Variants in MATN2 observed in about 807,000 individuals in gnomAD.
MATN2 encodes matrilin-2.
MATN2 carries 69 observed loss-of-function variants against 103.2 expected under a neutral mutation model. The observed-to-expected ratio is 0.67, with a 90% CI of 0.55 to 0.82. The LOEUF (loss-of-function observed/expected upper bound fraction) is 0.82, where lower values mean the gene tolerates loss of function less well. Ranked by LOEUF, MATN2 falls within the 40% of genes least tolerant of loss-of-function variation. MATN2 has a pLI of 0.00. For synonymous variants in MATN2, 429 were observed against 450.2 expected (o/e 0.95, Z 0.60); for missense variants, 1,023 against 1,211.5 (o/e 0.84, Z 2.31).
At chr8:97,882,671 C>G in intron 1 of MATN2, among the ~76,000 whole-genome samples, 1 of 152,264 alleles carries the variant, frequency 6.6e-6, no homozygotes, top group South Asian at 2.1e-4. Flanking sequence ...TCTGGGATTC[C>G]GAGTATGCAC....
At chr8:97,932,256 A>G (rs1308656258) in intron 3 of MATN2, among the ~76,000 whole-genome samples, 1 of 152,184 alleles carries the variant, frequency 6.6e-6, no homozygotes, top group Non-Finnish European at 1.5e-5. Context: ...GAGTACGGAT[A>G]GGAATGGAAG....
intron 10 of MATN2, 28 bp from the exon 11 acceptor site, chr8:98,016,512 G>A (rs1363585660): frequency 1.3e-6 from 2 of 1,589,360 alleles, no homozygotes; most frequent in Non-Finnish European, 1.7e-6. Flanking sequence ...TTCTTCTTCT[G>A]TTTCTCTAAT....
rs528820253 is a variant in MATN2, at chr8:98,027,352, A to G, written c.1943-64A>G. On this transcript the variant is annotated intron_variant, in intron 13 of 18. Coordinates refer to ENST00000254898, the MANE Select transcript of MATN2 (RefSeq NM_002380.5). The stretch of plus-strand genomic sequence containing the variant: ...ATGCCTCCAATTGAAGCATCATTTT[A>G]TTCTACTCTTGTGCATAAATGATTT... 151 of 1,409,156 alleles carry G rather than the reference A, an allele frequency of 1.1e-4. 1 individual carries two copies. Among genetic ancestry groups the G allele is most frequent in the Admixed American group, 4.7e-4 (22 of 46,808 alleles). The allele number at this position is 1,409,156 out of a possible 1,614,324, so 87.3% of individuals were successfully genotyped here.
At chr8:97,948,390 C>T (rs1255302858) in intron 4 of MATN2, among the ~76,000 whole-genome samples, 1 of 152,082 alleles carries the variant, frequency 6.6e-6, no homozygotes, top group Non-Finnish European at 1.5e-5. Flanking sequence ...TTAAACAAAG[C>T]TTTGAAAAAG....
intron 6 of MATN2, among the ~76,000 whole-genome samples, chr8:97,992,745 CAAAAAAAAA>C (rs58985201): frequency 0.019 from 921 of 49,600 alleles, 41 homozygotes; most frequent in African/African-American, 0.08. Flanking sequence ...GACTCCATCT[CAAAAAAAAA>C]AAAAAAAAAA....
chr8:97,996,358 G>A (rs1332176705), intron 7 of MATN2, among the ~76,000 whole-genome samples: 1 of 152,170 alleles, frequency 6.6e-6, no homozygotes, highest in African/African-American at 2.4e-5. Context: ...ACTGAGAAAG[G>A]AAGAGCGAGT....
At chr8:97,927,174 ACT>A (rs2130126972) in intron 2 of MATN2, among the ~76,000 whole-genome samples, 1 of 151,570 alleles carries the variant, frequency 6.6e-6, no homozygotes. Flanking sequence ...ATGGAGTTCC[ACT>A]CTTGTTGCCC....
chr8:97,988,171 A>AAAAATAT lies in MATN2; in HGVS notation c.1082-6308_1082-6307insAAATATA, dbSNP rs1252963740. 1.8e-3 allele frequency among the ~76,000 whole-genome samples: 85 copies of AAAAATAT among 46,090 alleles called. 2 individuals are homozygous for AAAAATAT. Among genetic ancestry groups the AAAAATAT allele is most frequent in the African/African-American group, 1.0e-2 (78 of 7,836 alleles). 30.2% of individuals were successfully genotyped at this position (46,090 alleles called of 152,430 possible). ...CTCCACCAAAAAAAAAAAAAAAAAA[A>AAAAATAT]ATATATATATATATATATACACACA... On this transcript the variant is annotated intron_variant, in intron 6 of 18. Coordinates refer to ENST00000254898, the MANE Select transcript of MATN2 (RefSeq NM_002380.5).
intron 2 of MATN2, among the ~76,000 whole-genome samples, chr8:97,928,507 T>G (rs1021740288): frequency 3.9e-5 from 6 of 152,204 alleles, no homozygotes; most frequent in Admixed American, 6.5e-5. Context: ...ATTACAGGCG[T>G]GAGCCACTGC....
At chr8:97,977,552 G>A (rs1811881141) in intron 5 of MATN2, among the ~76,000 whole-genome samples, 1 of 151,946 alleles carries the variant, frequency 6.6e-6, no homozygotes, top group Non-Finnish European at 1.5e-5. Context: ...CCTGGTTTAA[G>A]CCTCCACCCT....
intron 3 of MATN2, among the ~76,000 whole-genome samples, chr8:97,937,581 A>C: frequency 8.5e-6 from 1 of 117,012 alleles, no homozygotes; most frequent in East Asian, 2.3e-4. Flanking sequence ...CCTCCCCACT[A>C]ACTTTTTTTT....
chr8:97,905,315 A>G (rs539449377), intron 2 of MATN2, among the ~76,000 whole-genome samples: 1 of 152,342 alleles, frequency 6.6e-6, no homozygotes, highest in South Asian at 2.1e-4. Context: ...TTGTGTAACC[A>G]TCACCACTAT....
intron 4 of MATN2, among the ~76,000 whole-genome samples, chr8:97,942,163 G>T (rs1319482764): frequency 6.6e-6 from 1 of 152,192 alleles, no homozygotes; most frequent in Non-Finnish European, 1.5e-5. Context: ...TGTGTGAACT[G>T]GTCTCCTTTA....
chr8:97,934,738 C>T (rs1810316919), intron 3 of MATN2, among the ~76,000 whole-genome samples: 1 of 152,184 alleles, frequency 6.6e-6, no homozygotes, highest in Non-Finnish European at 1.5e-5. Flanking sequence ...CCACATGTTG[C>T]AAGAGAAAAG....
chr8:97,885,043 T>C (rs1461435972), intron 1 of MATN2, among the ~76,000 whole-genome samples: 1 of 152,234 alleles, frequency 6.6e-6, no homozygotes, highest in Non-Finnish European at 1.5e-5. Context: ...CAGTGCCTTT[T>C]GGTTAGCAAT....
intron 2 of MATN2, among the ~76,000 whole-genome samples, chr8:97,923,090 T>C (rs1809868969): frequency 6.6e-6 from 1 of 152,184 alleles, no homozygotes; most frequent in Non-Finnish European, 1.5e-5. Flanking sequence ...CCTCTTGGTC[T>C]GTTCCATCTA....
At chr8:97,939,731 T>A (rs1352975144) in intron 3 of MATN2, among the ~76,000 whole-genome samples, 1 of 152,228 alleles carries the variant, frequency 6.6e-6, no homozygotes, top group African/African-American at 2.4e-5. Flanking sequence ...GTGAAAACGC[T>A]GTGAGTATTG....
intron 1 of MATN2, among the ~76,000 whole-genome samples, chr8:97,882,765 T>G (rs986291021): frequency 5.3e-5 from 8 of 152,176 alleles, no homozygotes; most frequent in Non-Finnish European, 8.8e-5. Flanking sequence ...GTTTTTAAAT[T>G]TTTTCATATT....
At chr8:97,955,594 C>T (rs969192709) in intron 4 of MATN2, among the ~76,000 whole-genome samples, 1 of 152,232 alleles carries the variant, frequency 6.6e-6, no homozygotes, top group African/African-American at 2.4e-5. Flanking sequence ...CTCTAGGCTG[C>T]CCAGCAAGGG....
Sources: allele counts gnomAD v4.1 joint callset (sites outside exome capture counted in the v4.1 genomes callset), GRCh38; gene constraint gnomAD v4.1.1; transcripts MANE v1.5; gene names NCBI Gene and HGNC (gene_info 2026-07-23, HGNC 2026-07-21).